Variants in SPPL3 observed in about 807,000 individuals in gnomAD.
SPPL3 encodes signal peptide peptidase-like 3.
In SPPL3, 5 loss-of-function variants were observed where a neutral mutation model predicts 42.4. The ratio of observed to expected loss-of-function variants is 0.12; its 90% CI spans 0.06 to 0.25. SPPL3 has a LOEUF of 0.25. SPPL3 is among the 10% of genes least tolerant of loss of function. The pLI, the probability that SPPL3 is intolerant of heterozygous loss-of-function variation, is 1.00. For synonymous variants in SPPL3, 195 were observed against 181.8 expected (o/e 1.07, Z -0.58); for missense variants, 235 against 489.0 (o/e 0.48, Z 4.90).
chr12:120,838,418 A>G (rs1330757281), intron 1 of SPPL3, among the ~76,000 whole-genome samples: 1 of 152,172 alleles, frequency 6.6e-6, no homozygotes, highest in East Asian at 1.9e-4. Context: ...GCGACCAAAA[A>G]CAAGCACACA....
intron 2 of SPPL3, among the ~76,000 whole-genome samples, chr12:120,802,397 ATGTG>A (rs71453508): frequency 0.051 from 6,059 of 119,490 alleles, 450 homozygotes; most frequent in African/African-American, 0.17. Context: ...ATACACATAT[ATGTG>A]TGTGTGTGTG....
chr12:120,858,048 C>T (rs539352571), intron 1 of SPPL3, among the ~76,000 whole-genome samples: 1 of 151,802 alleles, frequency 6.6e-6, no homozygotes, highest in Admixed American at 6.5e-5. Context: ...ATCTCAAAGT[C>T]ATTATTTTAA....
chr12:120,876,016 A>ACCCCC (rs36042995), intron 1 of SPPL3, among the ~76,000 whole-genome samples: 3 of 144,026 alleles, frequency 2.1e-5, no homozygotes, highest in Non-Finnish European at 4.6e-5. Flanking sequence ...AAACAAACAG[A>ACCCCC]CCCCCCCCAC....
chr12:120,858,768 T>C (rs1367438514), intron 1 of SPPL3, among the ~76,000 whole-genome samples: 4 of 151,956 alleles, frequency 2.6e-5, no homozygotes, highest in Non-Finnish European at 5.9e-5. Context: ...CAAGGAAGCA[T>C]AACAAAAACT....
Position 120,764,901 on chromosome 12 carries a change from G to GTACAT in SPPL3, c.*93_*97dup. The GTACAT allele has an allele frequency of 7.5e-7, 1 of 1,325,858 alleles. No homozygotes were observed. Among genetic ancestry groups the GTACAT allele is most frequent in the Non-Finnish European group, 1.0e-6 (1 of 957,552 alleles). 82.1% of individuals were successfully genotyped at this position (1,325,858 alleles called of 1,614,324 possible). A position where few individuals can be genotyped will look rare whatever the true frequency, so the allele number is the denominator to read the frequency against. ...TCACACGGCAGTTCCTTAAACACAG[G>GTACAT]TACATTTCTGAGTACCAGGCCAGCT... is the stretch of plus-strand genomic sequence containing the variant. On this transcript the variant is annotated 3_prime_UTR_variant, in exon 11 of 11. Transcript: ENST00000353487.
At chr12:120,841,618 A>G (rs140336208) in intron 1 of SPPL3, among the ~76,000 whole-genome samples, 157 of 152,346 alleles carry the variant, frequency 1.0e-3, no homozygotes, top group African/African-American at 3.7e-3. Context: ...ACATTAAATT[A>G]CTTGACTGTG....
intron 1 of SPPL3, among the ~76,000 whole-genome samples, chr12:120,882,702 C>T (rs1360545204): frequency 6.6e-6 from 1 of 152,052 alleles, no homozygotes; most frequent in Admixed American, 6.6e-5. Context: ...CACTATTTAC[C>T]ATTTTAACAT....
chr12:120,879,779 C>T (rs1873223146), intron 1 of SPPL3, among the ~76,000 whole-genome samples: 1 of 151,920 alleles, frequency 6.6e-6, no homozygotes, highest in Admixed American at 6.5e-5. Context: ...GGAAAAACAC[C>T]ACCTACATTT....
chr12:120,895,019 C>T lies in SPPL3; in HGVS notation c.23+8826G>A, dbSNP rs145109313. ...AGGCATTTTTAGAAGGGTAGAAAAC[C>T]GTACCATGCATTCCAAGGAAAAGCA... On this transcript the variant is annotated intron_variant, in intron 1 of 10. Transcript: ENST00000353487. Among the ~76,000 whole-genome samples, 398 of 152,216 alleles carry T rather than the reference C, an allele frequency of 2.6e-3. 1 individual carries two copies. Among genetic ancestry groups the T allele is most frequent in the African/African-American group, 9.2e-3 (381 of 41,536 alleles).
chr12:120,903,720 A>AC, intron 1 of SPPL3, 125 bp downstream of exon 1: 6 of 563,208 alleles, frequency 1.1e-5, no homozygotes, highest in South Asian at 2.9e-5. Flanking sequence ...GGGGGCGTGC[A>AC]CCCCAACCCG....
intron 1 of SPPL3, among the ~76,000 whole-genome samples, chr12:120,897,129 T>C (rs569740196): frequency 1.3e-5 from 2 of 152,310 alleles, no homozygotes; most frequent in Non-Finnish European, 2.9e-5. Context: ...TACAATTATA[T>C]AGAATGACAC....
chr12:120,846,569 C>T (rs577496945), intron 1 of SPPL3, among the ~76,000 whole-genome samples: 36 of 152,180 alleles, frequency 2.4e-4, no homozygotes, highest in Admixed American at 2.2e-3. Context: ...CAGTAAGCTA[C>T]GGTTGATCTG....
intron 1 of SPPL3, among the ~76,000 whole-genome samples, chr12:120,824,331 C>A (rs1369063580): frequency 6.6e-6 from 1 of 151,754 alleles, no homozygotes; most frequent in Non-Finnish European, 1.5e-5. Flanking sequence ...TAATGGAACA[C>A]AGGATTCTGG....
chr12:120,889,660 T>C (rs950621558), intron 1 of SPPL3, among the ~76,000 whole-genome samples: 3 of 152,168 alleles, frequency 2.0e-5, no homozygotes, highest in Non-Finnish European at 2.9e-5. Context: ...GATTCATAAG[T>C]ATATTTTATT....
At chr12:120,854,295 C>T (rs1470358389) in intron 1 of SPPL3, among the ~76,000 whole-genome samples, 1 of 152,194 alleles carries the variant, frequency 6.6e-6, no homozygotes. Flanking sequence ...GGGAGGTAAA[C>T]ATGGTCCACC....
At chr12:120,894,259 G>A (rs1164823597) in intron 1 of SPPL3, among the ~76,000 whole-genome samples, 1 of 152,208 alleles carries the variant, frequency 6.6e-6, no homozygotes, top group East Asian at 1.9e-4. Flanking sequence ...GGGAGGCAGA[G>A]GTTGCGGTGA....
At chr12:120,839,654 A>G (rs1028235926) in intron 1 of SPPL3, among the ~76,000 whole-genome samples, 4 of 152,214 alleles carry the variant, frequency 2.6e-5, no homozygotes, top group African/African-American at 7.2e-5. Context: ...GTATGTATGT[A>G]CATGTGACAA....
chr12:120,881,011 C>T (rs965736605), intron 1 of SPPL3, among the ~76,000 whole-genome samples: 1 of 151,830 alleles, frequency 6.6e-6, no homozygotes, highest in African/African-American at 2.4e-5. Flanking sequence ...CAATGAGATA[C>T]CACTTCATAC....
At chr12:120,770,155 CT>C (rs1186097038) in intron 6 of SPPL3, 1 of 152,276 alleles carries the variant, frequency 6.6e-6, no homozygotes, top group Non-Finnish European at 1.5e-5. Context: ...TCAAGCAATA[CT>C]CAGCCTCCTG....
Sources: allele counts gnomAD v4.1 joint callset (sites outside exome capture counted in the v4.1 genomes callset), GRCh38; gene constraint gnomAD v4.1.1; transcripts MANE v1.5; gene names NCBI Gene and HGNC (gene_info 2026-07-23, HGNC 2026-07-21).